Variants in ANXA11 observed in about 807,000 individuals in gnomAD.
ANXA11 encodes 56 kDa autoantigen.
Under a neutral mutation model 64.7 loss-of-function variants are expected in ANXA11, and 57 were observed. That is an observed-to-expected ratio of 0.88 (90% CI 0.71 to 1.10). The LOEUF is 1.10. ANXA11 is among the 50% of genes least tolerant of loss of function. ANXA11 has a pLI of 0.00. For missense variants in ANXA11, 675 were observed against 670.7 expected (o/e 1.01, Z -0.07); for synonymous variants, 260 against 265.2 (o/e 0.98, Z 0.19).
intron 1 of ANXA11, among the ~76,000 whole-genome samples, chr10:80,184,548 CAG>C (rs1846468954): frequency 1.3e-5 from 2 of 152,072 alleles, no homozygotes; most frequent in Admixed American, 6.6e-5. Context: ...GAGAGAGAGA[CAG>C]AGAGTGTGTT....
At chr10:80,191,863 T>A (rs1009910989) in intron 1 of ANXA11, among the ~76,000 whole-genome samples, 1 of 152,078 alleles carries the variant, frequency 6.6e-6, no homozygotes, top group Non-Finnish European at 1.5e-5. Flanking sequence ...CAGAGACGAC[T>A]CAGTTCACTC....
chr10:80,172,827 C>A lies in ANXA11; in HGVS notation c.35G>T (p.Gly12Val). 6.2e-7 allele frequency: 1 copy of A among 1,614,052 alleles called. No homozygotes were observed. Among genetic ancestry groups the A allele is most frequent in the Non-Finnish European group, 8.5e-7 (1 of 1,179,948 alleles). The change falls in exon 3 of 16, where the codon GGC becomes GTC. Residue 12 changes from glycine to valine, a missense_variant. Gly to Val is a moderately radical substitution (Grantham distance 109). Coordinates refer to ENST00000422982, the MANE Select transcript of ANXA11 (RefSeq NM_145868.2). ...SYPGYPPPPG[G>V]YPPAAPGGGP... ...CTTACCTGGTGCAGCTGGTGGGTAG[C>A]CACCTGGGGGCGGGGGATAGCCAGG... is the stretch of plus-strand genomic sequence containing the variant.
At chr10:80,161,715 C>T (rs976823319) in intron 12 of ANXA11, among the ~76,000 whole-genome samples, 4 of 152,258 alleles carry the variant, frequency 2.6e-5, no homozygotes, top group Admixed American at 1.3e-4. Context: ...CGTACAAAGA[C>T]ACCAGGTTTC....
chr10:80,194,425 C>T (rs899223768), intron 1 of ANXA11, among the ~76,000 whole-genome samples: 3 of 152,124 alleles, frequency 2.0e-5, no homozygotes, highest in Non-Finnish European at 4.4e-5. Context: ...AAAGTCCTGG[C>T]CTGCATCATG....
intron 12 of ANXA11, 33 bp from the exon 13 acceptor site, chr10:80,159,228 T>C: frequency 6.4e-7 from 1 of 1,568,212 alleles, no homozygotes; most frequent in Non-Finnish European, 8.8e-7. Context: ...TATTATGAAC[T>C]GAAATGTGTC....
At position 80,168,300 on chromosome 10, in the gene ANXA11, A is replaced by C. The variant is rs1433754118; in HGVS notation, c.561+669T>G. Among the ~76,000 whole-genome samples, 3 of 152,012 alleles carry C rather than the reference A, an allele frequency of 2.0e-5. No individual in the cohort carries two copies. In the South Asian group the frequency reaches 6.2e-4, roughly 32 times the overall value. ...ATCAAGGGACCGAAGACAGCTGTTG[A>C]GCACAAAGCCTTGAGACAGGTGGCC... is the stretch of plus-strand genomic sequence containing the variant. On this transcript the variant is annotated intron_variant, in intron 5 of 15. Transcript: ENST00000422982.
intron 1 of ANXA11, among the ~76,000 whole-genome samples, chr10:80,186,301 G>C (rs1160924097): frequency 4.0e-5 from 6 of 151,854 alleles, no homozygotes; most frequent in Non-Finnish European, 5.9e-5. Context: ...GGGGGAAGGA[G>C]GGGGGTAGGA....
chr10:80,187,538 C>T (rs538392780), intron 1 of ANXA11, among the ~76,000 whole-genome samples: 4 of 146,890 alleles, frequency 2.7e-5, no homozygotes, highest in Admixed American at 1.4e-4. Flanking sequence ...CGCGCATGTG[C>T]GCGCGTGCAC....
rs200048689 is a variant in ANXA11 at position 80,169,241 on chromosome 10, G to A, written c.289C>T (p.Gln97Ter). 9.3e-6 allele frequency: 15 copies of A among 1,611,874 alleles called. No individual in the cohort carries two copies. The East Asian group carries it at 2.9e-4, about 31-fold the overall frequency. Reference sequence around the variant, plus strand: ...ATCCCATAGGGAGGAACAGGCTGCTGGGCAGAGGGGGGCTGCCCAAAGCCG... The same window carrying A: ...ATCCCATAGGGAGGAACAGGCTGCTAGGCAGAGGGGGGCTGCCCAAAGCCG... ...PGGFGQPPSA[Q>*]QPVPPYGMYP... The change falls in exon 5 of 16, where the codon CAG (glutamine) becomes TAG (stop). Residue 97 changes from glutamine (Q) to a stop codon, truncating the protein, a stop_gained. Coordinates refer to ENST00000422982, the MANE Select transcript of ANXA11 (RefSeq NM_145868.2). LOFTEE classifies it high-confidence loss of function.
Position 80,155,411 on chromosome 10 carries a change from C to T in ANXA11, c.*442G>A, listed in dbSNP as rs191624986. Reference sequence around the variant, plus strand: ...GGCACGCCTCCCTTTCTCTCCTCAGCGAGGACACGGTGCTTCACCCACCCA... The same window carrying T: ...GGCACGCCTCCCTTTCTCTCCTCAGTGAGGACACGGTGCTTCACCCACCCA... On this transcript the variant is annotated 3_prime_UTR_variant, in exon 16 of 16. Coordinates refer to ENST00000422982, the MANE Select transcript of ANXA11 (RefSeq NM_145868.2). 803 of 161,692 alleles carry T rather than the reference C, an allele frequency of 5.0e-3. 5 individuals are homozygous for T. Among genetic ancestry groups the T allele is most frequent in the Non-Finnish European group, 7.9e-3 (578 of 73,440 alleles). The allele number at this position is 161,692 out of a possible 1,614,324, so 10.0% of individuals were successfully genotyped here. A position where few individuals can be genotyped will look rare whatever the true frequency, so the allele number is the denominator to read the frequency against.
upstream of ANXA11, chr10:80,205,653 T>C (rs1464582762): frequency 1.3e-5 from 2 of 152,076 alleles, no homozygotes; most frequent in African/African-American, 4.8e-5. Flanking sequence ...GCAGCAGCCT[T>C]CCGGCTGCGG....
intron 1 of ANXA11, among the ~76,000 whole-genome samples, chr10:80,199,095 CTTTT>C (rs71482767): frequency 7.5e-6 from 1 of 133,500 alleles, no homozygotes. Context: ...TCAAGATAAA[CTTTT>C]TTTTTTTTTT....
chr10:80,163,283 C>G, intron 11 of ANXA11, 66 bp downstream of exon 11: 2 of 1,589,472 alleles, frequency 1.3e-6, no homozygotes, highest in Non-Finnish European at 1.7e-6. Context: ...GTACCTCTCT[C>G]AGGAAGCAAG....
chr10:80,174,266 G>GT (rs1446086433), intron 2 of ANXA11, among the ~76,000 whole-genome samples: 3 of 151,854 alleles, frequency 2.0e-5, no homozygotes, highest in South Asian at 2.1e-4. Flanking sequence ...TTCTTTTTAA[G>GT]TTTTTTTATT....
intron 11 of ANXA11, among the ~76,000 whole-genome samples, chr10:80,162,736 G>A (rs1167754903): frequency 6.6e-6 from 1 of 152,208 alleles, no homozygotes; most frequent in Non-Finnish European, 1.5e-5. Flanking sequence ...CCCTGCCGTG[G>A]ATGACAAGAG....
At position 80,169,046 on chromosome 10, in the gene ANXA11, C is replaced by T. The variant is rs773632187; in HGVS notation, c.484G>A (p.Gly162Arg). The change falls in exon 5 of 16, where the codon GGG becomes AGG. Residue 162 changes from glycine to arginine, a missense_variant. Coordinates refer to ENST00000422982, the MANE Select transcript of ANXA11 (RefSeq NM_145868.2). ...YPGQPPVPLPGQQQPVPSYPG... is the reference protein window; with the variant it reads ...YPGQPPVPLPRQQQPVPSYPG... Reference sequence around the variant, plus strand: ...TAGCTCGGCACTGGCTGCTGCTGCCCAGGGAGTGGCACTGGAGGCTGACCA... The same window carrying T: ...TAGCTCGGCACTGGCTGCTGCTGCCTAGGGAGTGGCACTGGAGGCTGACCA... The T allele has an allele frequency of 4.5e-5, 70 of 1,543,098 alleles. 1 individual carries two copies. Among genetic ancestry groups the T allele is most frequent in the Non-Finnish European group, 5.3e-5 (61 of 1,150,590 alleles).
At chr10:80,201,024 C>T (rs538854126) in intron 1 of ANXA11, among the ~76,000 whole-genome samples, 6 of 152,236 alleles carry the variant, frequency 3.9e-5, no homozygotes, top group East Asian at 3.9e-4. Flanking sequence ...GAGGGTAAAT[C>T]GAGGCAACAG....
At chr10:80,180,261 C>G (rs528493499) in intron 1 of ANXA11, among the ~76,000 whole-genome samples, 1 of 152,308 alleles carries the variant, frequency 6.6e-6, no homozygotes, top group East Asian at 1.9e-4. Flanking sequence ...TGTGTCTCTA[C>G]CCAACAATTG....
In ANXA11 at chr10:80,157,641, C is replaced by A. The variant is rs1209281718; in HGVS notation, c.1458G>T (p.Ser486=). The stretch of plus-strand genomic sequence containing the variant: ...CAGTTGGCCTGCAGCAGGCCCGTAC[C>A]GAGATGTCGTGGTACAGCGACTTGC... ...MYGKSLYHDI[S]GDTSGDYRKI... is the part of the protein sequence containing the mutation. Residue 486 remains serine, a splice_region_variant and synonymous_variant, in exon 15 of 16, where the codon TCG becomes TCT. Transcript: ENST00000422982. The A allele has an allele frequency of 2.5e-6, 4 of 1,612,790 alleles. No homozygotes were observed. Among genetic ancestry groups the A allele is most frequent in the Non-Finnish European group, 1.7e-6 (2 of 1,179,188 alleles).
Sources: allele counts gnomAD v4.1 joint callset (sites outside exome capture counted in the v4.1 genomes callset), GRCh38; gene constraint gnomAD v4.1.1; transcripts MANE v1.5; gene names NCBI Gene and HGNC (gene_info 2026-07-23, HGNC 2026-07-21).